Variants in VCF2 observed in about 807,000 individuals in gnomAD.
VCF2 encodes VCP nuclear cofactor family member 2.
the VCF2 span, chrX:55,145,803 G>A: frequency 4.6e-6 from 4 of 866,992 alleles, no homozygotes; most frequent in Admixed American, 6.2e-5. Flanking sequence ...TGGCTTCAAT[G>A]CACAGGAGAA....
the VCF2 span, among the ~76,000 whole-genome samples, chrX:55,156,767 A>G: frequency 8.9e-6 from 1 of 111,822 alleles, no homozygotes; most frequent in Non-Finnish European, 1.9e-5. Flanking sequence ...CTATACAACT[A>G]TTTAAAAATC....
chrX:55,157,229 T>G, the VCF2 span, among the ~76,000 whole-genome samples: 1 of 112,451 alleles, frequency 8.9e-6, no homozygotes, highest in East Asian at 2.8e-4. Context: ...AGAGAAAATG[T>G]TCTTCAAAAA....
At chrX:55,156,875 T>C in the VCF2 span, among the ~76,000 whole-genome samples, 1 of 110,678 alleles carries the variant, frequency 9.0e-6, no homozygotes, top group African/African-American at 3.3e-5. Flanking sequence ...CAGAAAAACA[T>C]GTGGACATAT....
the VCF2 span, among the ~76,000 whole-genome samples, chrX:55,144,548 T>A: frequency 9.0e-6 from 1 of 110,930 alleles, no homozygotes; most frequent in Non-Finnish European, 1.9e-5. Context: ...TGCAAGTATC[T>A]TCCTTAAAAT....
At chrX:55,158,761 CT>C in the VCF2 span, among the ~76,000 whole-genome samples, 1 of 111,670 alleles carries the variant, frequency 9.0e-6, no homozygotes. Context: ...AAATTTTTCA[CT>C]TTTTTTCACT....
the VCF2 span, chrX:55,146,446 T>G: frequency 3.6e-6 from 2 of 548,639 alleles, no homozygotes; most frequent in African/African-American, 4.6e-5. Context: ...TTAAGATAGT[T>G]CATTCTATCC....
chrX:55,150,254 T>G, the VCF2 span, among the ~76,000 whole-genome samples: 1 of 111,952 alleles, frequency 8.9e-6, no homozygotes, highest in African/African-American at 3.3e-5. Flanking sequence ...CCCAACCTTT[T>G]TGGCACTTGG....
the VCF2 span, among the ~76,000 whole-genome samples, chrX:55,148,791 C>T: frequency 7.2e-5 from 8 of 111,471 alleles, no homozygotes; most frequent in South Asian, 1.5e-3. Context: ...AAAATTACAA[C>T]GGATTTTAAT....
chrX:55,145,434 T>G, the VCF2 span: 1 of 753,714 alleles, frequency 1.3e-6, no homozygotes, highest in Non-Finnish European at 1.6e-6. Flanking sequence ...TTAGAAACAT[T>G]CTCCCTGGAA....
At chrX:55,155,929 TTTCTTC>T in the VCF2 span, among the ~76,000 whole-genome samples, 8 of 94,983 alleles carry the variant, frequency 8.4e-5, no homozygotes, top group East Asian at 9.7e-4. Context: ...AGTATTTTAC[TTTCTTC>T]TTCTTCTTTT....
At chrX:55,145,329 C>A in the VCF2 span, 1 of 749,775 alleles carries the variant, frequency 1.3e-6, no homozygotes, top group Non-Finnish European at 1.6e-6. Flanking sequence ...TTACATATTT[C>A]TTATCTGACA....
chrX:55,145,453 T>C, the VCF2 span: 1 of 752,287 alleles, frequency 1.3e-6, no homozygotes, highest in Non-Finnish European at 1.6e-6. Context: ...AAATACAAAG[T>C]GTAGAGACAG....
the VCF2 span, chrX:55,160,706 C>A: frequency 1.8e-5 from 12 of 656,331 alleles, no homozygotes; most frequent in Non-Finnish European, 2.3e-5. Context: ...GATGACAAAA[C>A]CAATCAGAGA....
At chrX:55,161,129 G>T in the VCF2 span, 1 of 1,208,833 alleles carries the variant, frequency 8.3e-7, no homozygotes, top group Non-Finnish European at 1.1e-6. Context: ...AGGCCCCGAC[G>T]AACTTACCGT....
the VCF2 span, among the ~76,000 whole-genome samples, chrX:55,146,579 C>T: frequency 8.9e-6 from 1 of 111,935 alleles, no homozygotes; most frequent in Non-Finnish European, 1.9e-5. Context: ...CAAACACAGG[C>T]CTTGCAATTC....
the VCF2 span, chrX:55,159,085 G>A: frequency 2.0e-6 from 2 of 981,662 alleles, no homozygotes; most frequent in African/African-American, 3.8e-5. Context: ...ATAATTTAGT[G>A]TAGGCAATGA....
chrX:55,161,109 C>G, the VCF2 span: 2 of 1,207,833 alleles, frequency 1.7e-6, no homozygotes, highest in Non-Finnish European at 2.2e-6. Context: ...CGGACTGGTA[C>G]CGGCCGGAAA....
At chrX:55,152,402 T>C in the VCF2 span, among the ~76,000 whole-genome samples, 1 of 111,998 alleles carries the variant, frequency 8.9e-6, no homozygotes, top group Non-Finnish European at 1.9e-5. Flanking sequence ...CCTACTTTTT[T>C]TGTCATAGAA....
chrX:55,159,490 AAAT>A, the VCF2 span, among the ~76,000 whole-genome samples: 1 of 112,451 alleles, frequency 8.9e-6, no homozygotes, highest in South Asian at 3.6e-4. Context: ...TGATCCTTGA[AAAT>A]AAAGAATATG....
Sources: allele counts gnomAD v4.1 joint callset (sites outside exome capture counted in the v4.1 genomes callset), GRCh38; gene constraint gnomAD v4.1.1; transcripts MANE v1.5; gene names NCBI Gene and HGNC (gene_info 2026-07-23, HGNC 2026-07-21).